Variants in PER3 observed in about 807,000 individuals in gnomAD.
PER3 encodes the protein period circadian regulator 3, also known as period circadian protein homolog 3.
PER3 carries 107 observed loss-of-function variants against 127.2 expected under a neutral mutation model. The observed-to-expected ratio is 0.84, with a 90% CI of 0.72 to 0.99. The LOEUF is 0.99. PER3 is among the 50% of genes least tolerant of loss of function. The pLI, the probability that PER3 is intolerant of heterozygous loss-of-function variation, is 0.00. For synonymous variants in PER3, 618 were observed against 585.8 expected (o/e 1.05, Z -0.79); for missense variants, 1,560 against 1,525.8 (o/e 1.02, Z -0.37).
intron 5 of PER3, among the ~76,000 whole-genome samples, chr1:7,792,976 C>T (rs1032769630): frequency 2.6e-5 from 4 of 152,070 alleles, no homozygotes; most frequent in South Asian, 2.1e-4. Flanking sequence ...CAGTAGAGGC[C>T]GTTTTCTGTA....
intron 9 of PER3, 109 bp downstream of exon 9, chr1:7,803,262 T>A (rs552372751): frequency 1.3e-6 from 1 of 749,620 alleles, no homozygotes; most frequent in African/African-American, 1.7e-5. Flanking sequence ...GGCATTACAT[T>A]GAAGCTGCTA....
intron 5 of PER3, among the ~76,000 whole-genome samples, chr1:7,789,991 T>C (rs2150484358): frequency 6.6e-6 from 1 of 152,334 alleles, no homozygotes; most frequent in African/African-American, 2.4e-5. Context: ...TAAACATTTA[T>C]TTAATAATCA....
At chr1:7,786,005 C>G (rs1577595771) in intron 3 of PER3, among the ~76,000 whole-genome samples, 1 of 152,328 alleles carries the variant, frequency 6.6e-6, no homozygotes, top group East Asian at 1.9e-4. Context: ...GCCTGTAATC[C>G]CAGCACTTTG....
chr1:7,814,383 G>C (rs2097236918), intron 13 of PER3, among the ~76,000 whole-genome samples: 1 of 152,128 alleles, frequency 6.6e-6, no homozygotes, highest in Non-Finnish European at 1.5e-5. Flanking sequence ...ACAAAGACAA[G>C]AATTGTAACA....
chr1:7,838,703 T>A (rs1372021105), intron 21 of PER3, among the ~76,000 whole-genome samples: 1 of 152,326 alleles, frequency 6.6e-6, no homozygotes, highest in Middle Eastern at 3.4e-3. Flanking sequence ...ATTTGACTAC[T>A]CTGCACACCT....
chr1:7,820,366 G>C, intron 15 of PER3, 101 bp from the exon 16 acceptor site: 1 of 1,404,122 alleles, frequency 7.1e-7, no homozygotes, highest in Non-Finnish European at 9.7e-7. Context: ...ATGACAGTAA[G>C]GTTTAATTTC....
At chr1:7,793,201 A>G (rs1227641876) in intron 5 of PER3, among the ~76,000 whole-genome samples, 2 of 152,230 alleles carry the variant, frequency 1.3e-5, no homozygotes, top group East Asian at 1.9e-4. Context: ...CAAATGCCCA[A>G]AAGATATTCA....
chr1:7,832,279 A>G (rs2097334776), intron 19 of PER3, among the ~76,000 whole-genome samples: 2 of 150,384 alleles, frequency 1.3e-5, no homozygotes, highest in African/African-American at 4.9e-5. Flanking sequence ...ATGTTTATCA[A>G]TTTTAATAAC....
At chr1:7,816,647 A>C (rs913600692) in intron 13 of PER3, among the ~76,000 whole-genome samples, 1 of 149,098 alleles carries the variant, frequency 6.7e-6, no homozygotes, top group African/African-American at 2.6e-5. Context: ...ATCTGTGAGA[A>C]TGGCTAAGTT....
chr1:7,817,924 TGA>T (rs1246165302), intron 13 of PER3, among the ~76,000 whole-genome samples: 1 of 152,158 alleles, frequency 6.6e-6, no homozygotes, highest in Non-Finnish European at 1.5e-5. Flanking sequence ...CAAACAAACC[TGA>T]GAGACACCAT....
rs574881334 is a variant in PER3, at chr1:7,835,913, G to A, written c.3366G>A (p.Glu1122=). 3 of 1,611,018 alleles carry A rather than the reference G, an allele frequency of 1.9e-6. No homozygotes were observed. The South Asian group carries it at 3.3e-5, about 18-fold the overall frequency. ...GGAGAATGATACGGCAGACACCTGA[G>A]CGCATTCTCATGACATACCAGGTAC... ...PIWRMIRQTP[E]RILMTYQVPE... is the part of the protein sequence containing the mutation. Residue 1122 remains glutamate (E), a synonymous_variant, in exon 20 of 22, where the codon GAG becomes GAA. Transcript: ENST00000377532.
rs753740592 is a variant in PER3, at chr1:7,827,282, T to TC, written c.2354dup (p.Pro786SerfsTer77). 6.2e-7 allele frequency: 1 copy of TC among 1,613,718 alleles called. No individual in the cohort carries two copies. Among genetic ancestry groups the TC allele is most frequent in the Non-Finnish European group, 8.5e-7 (1 of 1,179,884 alleles). On this transcript the variant is annotated frameshift_variant, in exon 18 of 22. Coordinates refer to ENST00000377532, the MANE Select transcript of PER3 (RefSeq NM_001377275.1). LOFTEE classifies it high-confidence loss of function. ...GCCCTGCTGCCCCTCCGCGGCCTCC[T>TC]CTCCGCACACCTCGAGCCCGACCTT...
rs1321520396 is a variant in PER3, at chr1:7,788,155, T to C, written c.501T>C (p.Phe167=). 6.2e-7 allele frequency: 1 copy of C among 1,613,996 alleles called. No homozygotes were observed. Among genetic ancestry groups the C allele is most frequent in the Non-Finnish European group, 8.5e-7 (1 of 1,179,958 alleles). Residue 167 remains phenylalanine, a synonymous_variant, in exon 5 of 22, where the codon TTT becomes TTC. Transcript: ENST00000377532. ...AAGATGTCCTGGCGTCTTCTCACTT[T>C]GTTGACCTGCTTGCACCTCAAGACA... The part of the protein sequence containing the change: ...RKKDVLASSH[F]VDLLAPQDMR...
chr1:7,830,522 C>T (rs1325399854), intron 19 of PER3, among the ~76,000 whole-genome samples: 1 of 152,176 alleles, frequency 6.6e-6, no homozygotes, highest in Non-Finnish European at 1.5e-5. Context: ...TTTGCTTTTC[C>T]TATGATTTAT....
chr1:7,827,557 T>A lies in PER3; in HGVS notation c.2628T>A (p.Cys876Ter). The change falls in exon 18 of 22, where the codon TGT becomes TGA. Residue 876 changes from cysteine (C) to a stop codon, truncating the protein, a stop_gained. Coordinates refer to ENST00000377532, the MANE Select transcript of PER3 (RefSeq NM_001377275.1). LOFTEE classifies it high-confidence loss of function. ...TGTTGTCGCCATCGTTTTTGCCATG[T>A]CCATTCCTGGGGGCGACAGCCTCTT... The part of the protein sequence containing the change: ...CPLLSPSFLP[C>*]PFLGATASSA... 6.2e-7 allele frequency: 1 copy of A among 1,614,216 alleles called. No homozygotes were observed.
rs1403206444 is a variant in PER3 at position 7,826,742 on chromosome 1, A to G, written c.2188+32A>G. On this transcript the variant is annotated intron_variant, in intron 17 of 21. Coordinates refer to ENST00000377532, the MANE Select transcript of PER3 (RefSeq NM_001377275.1). This position sits in a 1 kb window ranked among gnomAD's most constrained non-coding sequence, Gnocchi z 4.2. ...AATTTTTTAAAAATAAATGCCATTA[A>G]TCTATGTAAATGTTACAAACTGTAT... 7.9e-7 allele frequency: 1 copy of G among 1,260,988 alleles called. No homozygotes were observed. Among genetic ancestry groups the G allele is most frequent in the Non-Finnish European group, 1.2e-6 (1 of 864,314 alleles). 78.1% of individuals were successfully genotyped at this position (1,260,988 alleles called of 1,614,324 possible).
At chr1:7,796,148 C>T (rs1006426030) in intron 6 of PER3, among the ~76,000 whole-genome samples, 7 of 152,046 alleles carry the variant, frequency 4.6e-5, no homozygotes, top group African/African-American at 1.7e-4. Context: ...CATTCCTTAG[C>T]CCAGACTTGG....
intron 21 of PER3, among the ~76,000 whole-genome samples, chr1:7,837,778 GT>G (rs2097365169): frequency 6.6e-6 from 1 of 152,196 alleles, no homozygotes; most frequent in Non-Finnish European, 1.5e-5. Flanking sequence ...GAAGAGTCAA[GT>G]TAATAACAAG....
Position 7,784,893 on chromosome 1 carries a change from G to A in PER3, c.16G>A (p.Ala6Thr), listed in dbSNP as rs2097077905. Residue 6 changes from alanine (A) to threonine (T), a missense_variant, in exon 2 of 22, where the codon GCT becomes ACT. Ala to Thr is a moderately conservative substitution (Grantham distance 58). Coordinates refer to ENST00000377532, the MANE Select transcript of PER3 (RefSeq NM_001377275.1). MPRGE[A>T]PGPGRRGAKD... is the part of the protein sequence containing the mutation. ...AGACCTCGAGATGCCCCGCGGGGAAGCTCCTGGCCCCGGGAGACGGGGGGC... is the reference window on the plus strand; with the variant it reads ...AGACCTCGAGATGCCCCGCGGGGAAACTCCTGGCCCCGGGAGACGGGGGGC... 4 of 1,515,204 alleles carry A rather than the reference G, an allele frequency of 2.6e-6. No individual in the cohort carries two copies. In the African/African-American group the frequency reaches 4.4e-5, roughly 17 times the overall value. The allele number at this position is 1,515,204 out of a possible 1,614,324, so 93.9% of individuals were successfully genotyped here. A position where few individuals can be genotyped will look rare whatever the true frequency, so the allele number is the denominator to read the frequency against.
Sources: allele counts gnomAD v4.1 joint callset (sites outside exome capture counted in the v4.1 genomes callset), GRCh38; gene constraint gnomAD v4.1.1; non-coding constraint Gnocchi (gnomAD v3.1); transcripts MANE v1.5; gene names NCBI Gene and HGNC (gene_info 2026-07-23, HGNC 2026-07-21).